The following IFT43 variants were observed in gnomAD, a reference collection of about 807,000 sequenced individuals.
The protein encoded by IFT43 is intraflagellar transport protein 43 homolog.
In IFT43, 33 loss-of-function variants were observed where a neutral mutation model predicts 32.3. The ratio of observed to expected loss-of-function variants is 1.02; its 90% CI spans 0.77 to 1.37. IFT43 has a LOEUF of 1.37. Ranked by LOEUF, IFT43 falls within the 40% of genes most tolerant of loss-of-function variation. IFT43 has a pLI of 0.00. For synonymous variants in IFT43, 93 were observed against 98.2 expected (o/e 0.95, Z 0.31); for missense variants, 274 against 265.9 (o/e 1.03, Z -0.21).
intron 5 of IFT43, chr14:76,076,656 A>T: frequency 6.2e-7 from 1 of 1,614,206 alleles, no homozygotes; most frequent in African/African-American, 1.3e-5. Context: ...AAAACGCATC[A>T]CAGAGATTTG....
chr14:76,079,519 T>C (rs1194510349), intron 5 of IFT43, among the ~76,000 whole-genome samples: 1 of 152,112 alleles, frequency 6.6e-6, no homozygotes, highest in Non-Finnish European at 1.5e-5. Flanking sequence ...GGAGCCGGGA[T>C]TTGGAGTGGA....
Position 76,082,639 on chromosome 14 carries a change from A to G in IFT43, c.391A>G (p.Thr131Ala). The change falls in exon 7 of 9, where the codon ACC becomes GCC. Residue 131 changes from threonine to alanine, a missense_variant. Coordinates refer to ENST00000314067, the MANE Select transcript of IFT43 (RefSeq NM_001102564.3). Reference protein sequence around the residue: ...PPSIQIKRVMTYRDLDNDLMK... With the variant: ...PPSIQIKRVMAYRDLDNDLMK... ...CAGCATCCAGATAAAGCGGGTGATG[A>G]CCTACCGTGACCTGGACAATGACCT... 1 of 1,613,898 alleles carries G rather than the reference A, an allele frequency of 6.2e-7. No individual in the cohort carries two copies.
chr14:76,065,855 A>G (rs2037217076), intron 5 of IFT43, among the ~76,000 whole-genome samples: 1 of 152,236 alleles, frequency 6.6e-6, no homozygotes, highest in African/African-American at 2.4e-5. Flanking sequence ...CCTGGGCTCA[A>G]CCAGTCCTTC....
intron 2 of IFT43, among the ~76,000 whole-genome samples, chr14:76,012,544 T>C (rs2036105967): frequency 6.6e-6 from 1 of 152,208 alleles, no homozygotes; most frequent in Non-Finnish European, 1.5e-5. Flanking sequence ...TCCTGCCCCC[T>C]GTTTATTTTT....
At chr14:76,071,444 A>G (rs2037319028) in intron 5 of IFT43, among the ~76,000 whole-genome samples, 1 of 152,200 alleles carries the variant, frequency 6.6e-6, no homozygotes, top group Admixed American at 6.5e-5. Context: ...TCGAGGTCAC[A>G]TGGCCAATAA....
chr14:76,035,040 C>T (rs1236537762), intron 3 of IFT43, among the ~76,000 whole-genome samples: 2 of 152,178 alleles, frequency 1.3e-5, no homozygotes, highest in Non-Finnish European at 2.9e-5. Flanking sequence ...CATTGATCTG[C>T]AAGGGAATGA....
chr14:75,985,872 G>C (rs754845646), intron 1 of IFT43, 32 bp downstream of exon 1: 3 of 1,611,418 alleles, frequency 1.9e-6, no homozygotes, highest in East Asian at 4.5e-5. Context: ...TTGGGGGCCA[G>C]GATTTGGCGG....
chr14:76,011,130 G>A (rs963999151), intron 2 of IFT43, among the ~76,000 whole-genome samples: 5 of 151,942 alleles, frequency 3.3e-5, no homozygotes, highest in African/African-American at 1.2e-4. Context: ...GGCTGGTCTT[G>A]AACTTCTGGC....
At chr14:76,037,069 A>G (rs999471976) in intron 3 of IFT43, among the ~76,000 whole-genome samples, 3 of 152,152 alleles carry the variant, frequency 2.0e-5, no homozygotes, top group Admixed American at 6.5e-5. Flanking sequence ...TTTTAAAGAA[A>G]CTTGTCCTGT....
intron 5 of IFT43, 41 bp from the exon 6 acceptor site, chr14:76,082,254 A>T (rs771471481): frequency 4.4e-6 from 7 of 1,586,766 alleles, no homozygotes; most frequent in Non-Finnish European, 6.1e-6. Context: ...CACAATCCCT[A>T]TGAGTTCTGC....
At chr14:76,048,342 A>C (rs1466679880) in intron 3 of IFT43, among the ~76,000 whole-genome samples, 4 of 152,252 alleles carry the variant, frequency 2.6e-5, no homozygotes, top group Non-Finnish European at 4.4e-5. Flanking sequence ...TGAGCCAGCC[A>C]GTCTCTGCTA....
At chr14:76,071,106 C>T (rs955356003) in intron 5 of IFT43, among the ~76,000 whole-genome samples, 3 of 152,228 alleles carry the variant, frequency 2.0e-5, no homozygotes, top group South Asian at 2.1e-4. Context: ...ACCACATGCG[C>T]GTGTAGGAAC....
chr14:75,999,135 G>A (rs553703756), intron 2 of IFT43, among the ~76,000 whole-genome samples: 35 of 133,102 alleles, frequency 2.6e-4, no homozygotes, highest in Non-Finnish European at 4.7e-4. Flanking sequence ...CTTAACCAGT[G>A]ATAACAAAGA....
intron 4 of IFT43, 29 bp from the exon 5 acceptor site, chr14:76,059,298 G>A (rs903650110): frequency 6.2e-7 from 1 of 1,613,808 alleles, no homozygotes; most frequent in East Asian, 2.2e-5. Flanking sequence ...CTCATTTTTT[G>A]CTGTCCTTTT....
intron 2 of IFT43, among the ~76,000 whole-genome samples, chr14:76,010,080 C>T (rs1296217789): frequency 6.6e-6 from 1 of 152,216 alleles, no homozygotes; most frequent in Non-Finnish European, 1.5e-5. Context: ...AGGCGTGAGC[C>T]ACCCTGCCCG....
chr14:76,026,603 G>A (rs1420972674), intron 3 of IFT43, among the ~76,000 whole-genome samples: 12 of 151,820 alleles, frequency 7.9e-5, no homozygotes, highest in South Asian at 6.3e-4. Context: ...GTGAGGTTGC[G>A]GAGAAAAAGG....
At chr14:76,032,623 C>T (rs2036528592) in intron 3 of IFT43, among the ~76,000 whole-genome samples, 1 of 152,180 alleles carries the variant, frequency 6.6e-6, no homozygotes, top group South Asian at 2.1e-4. Context: ...TATTTACATA[C>T]CCCCAGTCTC....
At chr14:76,003,215 A>G (rs2035922106) in intron 2 of IFT43, among the ~76,000 whole-genome samples, 1 of 152,078 alleles carries the variant, frequency 6.6e-6, no homozygotes. Flanking sequence ...GATTGCTTTT[A>G]AGTTCCATTT....
Position 76,072,747 on chromosome 14 carries a change from GT to G in IFT43, c.296-9546del, listed in dbSNP as rs1229414899. ...TCAGCACTGACAAAAGTAAAAGAGA[GT>G]TAAATCTCCCCAGAATCATTATAGA... On this transcript the variant is annotated intron_variant, in intron 5 of 8. Transcript: ENST00000314067. 2.6e-5 allele frequency among the ~76,000 whole-genome samples: 4 copies of G among 152,144 alleles called. 1 individual carries two copies. Among genetic ancestry groups the G allele is most frequent in the Middle Eastern group, 6.3e-3 (2 of 316 alleles).
Sources: allele counts gnomAD v4.1 joint callset (sites outside exome capture counted in the v4.1 genomes callset), GRCh38; gene constraint gnomAD v4.1.1; transcripts MANE v1.5; gene names NCBI Gene and HGNC (gene_info 2026-07-23, HGNC 2026-07-21).